Variants in USP13 observed in about 807,000 individuals in gnomAD.
USP13 encodes the protein ubiquitin specific peptidase 13, also known as ubiquitin carboxyl-terminal hydrolase 13.
Under a neutral mutation model 107.8 loss-of-function variants are expected in USP13, and 68 were observed. That is an observed-to-expected ratio of 0.63 (90% CI 0.52 to 0.77). The LOEUF is 0.77. Among genes scored for constraint, USP13 ranks in the 30% least tolerant of loss-of-function variants. The pLI is 0.00. For missense variants in USP13, 945 were observed against 1,093.3 expected (o/e 0.86, Z 1.91); for synonymous variants, 377 against 389.5 (o/e 0.97, Z 0.38).
At chr3:179,731,228 T>TG (rs1181454389) in intron 10 of USP13, among the ~76,000 whole-genome samples, 1 of 152,110 alleles carries the variant, frequency 6.6e-6, no homozygotes, top group Admixed American at 6.5e-5. Flanking sequence ...CTGGCCAACA[T>TG]GGTGAAACCC....
chr3:179,675,723 T>C (rs956165114), intron 1 of USP13, among the ~76,000 whole-genome samples: 3 of 152,066 alleles, frequency 2.0e-5, no homozygotes, highest in African/African-American at 4.8e-5. Context: ...AATTTTTGTG[T>C]TTTTAGTAGC....
chr3:179,695,628 C>A (rs1712297557), intron 3 of USP13, among the ~76,000 whole-genome samples: 1 of 150,832 alleles, frequency 6.6e-6, no homozygotes, highest in Non-Finnish European at 1.5e-5. Context: ...AATTTTTTTT[C>A]AATATGTACC....
At chr3:179,757,632 G>C (rs1714852421) in intron 16 of USP13, among the ~76,000 whole-genome samples, 1 of 152,122 alleles carries the variant, frequency 6.6e-6, no homozygotes. Context: ...ATAAACGATA[G>C]ACAATATTTA....
intron 1 of USP13, among the ~76,000 whole-genome samples, chr3:179,680,038 G>A (rs1711591538): frequency 6.6e-6 from 1 of 151,966 alleles, no homozygotes; most frequent in African/African-American, 2.4e-5. Context: ...AGCTGGGTAT[G>A]GTGGCACGTG....
intron 9 of USP13, 77 bp from the exon 10 acceptor site, chr3:179,730,539 A>T: frequency 1.7e-6 from 2 of 1,200,504 alleles, no homozygotes; most frequent in Middle Eastern, 1.9e-4. Flanking sequence ...GTACTTATTG[A>T]TATTCATAGA....
chr3:179,717,425 G>A (rs1482667149), intron 6 of USP13, among the ~76,000 whole-genome samples: 1 of 152,216 alleles, frequency 6.6e-6, no homozygotes, highest in Admixed American at 6.5e-5. Flanking sequence ...TTTTGGAGCA[G>A]TTAATGGCTG....
intron 19 of USP13, among the ~76,000 whole-genome samples, chr3:179,777,362 T>C (rs1044283119): frequency 9.9e-5 from 15 of 152,010 alleles, no homozygotes; most frequent in Non-Finnish European, 2.1e-4. Context: ...AAACACTCTG[T>C]TGAATTGCTG....
At chr3:179,714,174 G>T (rs16830755) in intron 6 of USP13, among the ~76,000 whole-genome samples, 1 of 152,020 alleles carries the variant, frequency 6.6e-6, no homozygotes, top group Non-Finnish European at 1.5e-5. Context: ...TAGTTTACCC[G>T]AGAAGATGCT....
Position 179,721,572 on chromosome 3 carries a change from C to T in USP13, c.1071C>T (p.Ile357=), listed in dbSNP as rs754583086. Residue 357 remains isoleucine (I), a synonymous_variant, in exon 8 of 21, where the codon ATC becomes ATT. Transcript: ENST00000263966. This position sits in a 1 kb window ranked among gnomAD's most constrained non-coding sequence, Gnocchi z 4.3. ...LSSVMQAIFS[I]PEFQRAYVGN... is the part of the protein sequence containing the mutation. ...CTGTCATGCAGGCCATCTTCAGCAT[C>T]CCAGAATTCCAGAGAGCGTAAGTGC... 7 of 1,613,596 alleles carry T rather than the reference C, an allele frequency of 4.3e-6. No individual in the cohort carries two copies. The Admixed American group carries it at 1.0e-4, about 23-fold the overall frequency.
intron 19 of USP13, among the ~76,000 whole-genome samples, chr3:179,774,315 C>T (rs970973100): frequency 2.6e-5 from 4 of 152,180 alleles, no homozygotes; most frequent in Admixed American, 6.5e-5. Context: ...GGTTCTTGGT[C>T]TCACTGACTT....
At chr3:179,671,050 C>T (rs542460141) in intron 1 of USP13, among the ~76,000 whole-genome samples, 6 of 152,070 alleles carry the variant, frequency 3.9e-5, no homozygotes, top group Admixed American at 6.5e-5. Context: ...ATCTGGAGTT[C>T]GAGACCAGTC....
intron 19 of USP13, among the ~76,000 whole-genome samples, chr3:179,773,385 G>A (rs1432530330): frequency 6.6e-6 from 1 of 152,160 alleles, no homozygotes; most frequent in African/African-American, 2.4e-5. Flanking sequence ...GGAGTGTTTT[G>A]ATGTCTCTGT....
At chr3:179,769,539 C>G (rs1232154915) in intron 19 of USP13, among the ~76,000 whole-genome samples, 1 of 152,170 alleles carries the variant, frequency 6.6e-6, no homozygotes, top group Non-Finnish European at 1.5e-5. Flanking sequence ...TCTCGAGTAA[C>G]TGGCATTACA....
rs565170029 is a variant in USP13 at position 179,757,371 on chromosome 3, C to G, written c.1948+293C>G. Among the ~76,000 whole-genome samples the G allele has an allele frequency of 3.3e-5, 5 of 152,264 alleles. No individual in the cohort carries two copies. The South Asian group carries it at 6.2e-4, about 19-fold the overall frequency. On this transcript the variant is annotated intron_variant, in intron 16 of 20. Transcript: ENST00000263966. ...CTTACCTTCTCTGAGCCCCAGTTTCCTCATGTGTGAATGGGGCTAGCCATG... is the reference window on the plus strand; with the variant it reads ...CTTACCTTCTCTGAGCCCCAGTTTCGTCATGTGTGAATGGGGCTAGCCATG...
At chr3:179,774,329 G>C (rs1430847527) in intron 19 of USP13, among the ~76,000 whole-genome samples, 2 of 152,208 alleles carry the variant, frequency 1.3e-5, no homozygotes, top group Non-Finnish European at 2.9e-5. Flanking sequence ...CTGACTTCGA[G>C]AATGAAGCCG....
In USP13 at chr3:179,707,036, A is replaced by C. The variant is rs753476491; in HGVS notation, c.580A>C (p.Asn194His). 6.2e-7 allele frequency: 1 copy of C among 1,614,048 alleles called. No individual in the cohort carries two copies. The highest frequency in any genetic ancestry group is 8.5e-7 in the Non-Finnish European group (1 of 1,180,034). The part of the protein sequence containing the change: ...NELPVSKYAN[N>H]LTQLDNGVRI... ...ATTGCCAGTATCTAAATATGCCAAC[A>C]ACCTCACCCAGCTGGACAATGGAGT... The change falls in exon 5 of 21, where the codon AAC (asparagine) becomes CAC (histidine). Residue 194 changes from asparagine (N) to histidine (H), a missense_variant. Transcript: ENST00000263966.
At chr3:179,694,814 A>G (rs1260978122) in intron 3 of USP13, among the ~76,000 whole-genome samples, 3 of 151,458 alleles carry the variant, frequency 2.0e-5, no homozygotes, top group Non-Finnish European at 4.4e-5. Flanking sequence ...AAAAAAAAAA[A>G]AAAAAAAAAG....
rs375790863 is a variant in USP13, at chr3:179,682,581, GT to G, written c.294+583del. Among the ~76,000 whole-genome samples the G allele has an allele frequency of 5.5e-3, 831 of 152,214 alleles. 8 individuals are homozygous for G. Among genetic ancestry groups the G allele is most frequent in the African/African-American group, 0.019 (791 of 41,536 alleles). On this transcript the variant is annotated intron_variant, in intron 2 of 20. Coordinates refer to ENST00000263966, the MANE Select transcript of USP13 (RefSeq NM_003940.3). The stretch of plus-strand genomic sequence containing the variant: ...ACGCCTAACTATAATTCTGTGAAGA[GT>G]TTTTCCCCTCGGCATCCAAATGTTT...
At chr3:179,694,528 C>T (rs1397584331) in intron 3 of USP13, among the ~76,000 whole-genome samples, 2 of 151,806 alleles carry the variant, frequency 1.3e-5, no homozygotes, top group Non-Finnish European at 2.9e-5. Flanking sequence ...GGAGGCCGGG[C>T]GCGGTGGCTC....
Sources: gnomAD v4.1 joint callset for allele counts (sites outside exome capture counted in the v4.1 genomes callset) on GRCh38, gnomAD v4.1.1 for gene constraint, Gnocchi (gnomAD v3.1) non-coding constraint, MANE v1.5 for transcripts, NCBI Gene and HGNC (gene_info 2026-07-23, HGNC 2026-07-21) for gene names.